ITGA6: variants seen among roughly 807,000 people sequenced by gnomAD.
ITGA6 encodes the protein integrin subunit alpha 6, also known as integrin alpha-6.
In ITGA6, 63 loss-of-function variants were observed where a neutral mutation model predicts 133.6. That is an observed-to-expected ratio of 0.47 (90% CI 0.38 to 0.58). The LOEUF is 0.58. ITGA6 is among the 20% of genes least tolerant of loss of function. The pLI, the probability that ITGA6 is intolerant of heterozygous loss-of-function variation, is 0.00. For synonymous variants in ITGA6, 434 were observed against 482.0 expected (o/e 0.90, Z 1.30); for missense variants, 1,068 against 1,309.4 (o/e 0.82, Z 2.85).
chr2:172,444,114 TTAGA>T (rs1272604968), intron 1 of ITGA6, among the ~76,000 whole-genome samples: 1 of 152,138 alleles, frequency 6.6e-6, no homozygotes, highest in African/African-American at 2.4e-5. Flanking sequence ...ATGAGAATAT[TTAGA>T]TAGAACGATT....
intron 8 of ITGA6, 141 bp from the exon 9 acceptor site, chr2:172,476,252 TTA>T: frequency 1.5e-6 from 1 of 673,780 alleles, no homozygotes; most frequent in Non-Finnish European, 2.7e-6. Context: ...ATATAGAAAT[TTA>T]TGACTTGTAT....
chr2:172,485,566 T>C (rs1417051681), intron 13 of ITGA6, among the ~76,000 whole-genome samples: 1 of 152,186 alleles, frequency 6.6e-6, no homozygotes, highest in African/African-American at 2.4e-5. Flanking sequence ...TAGCTGTACA[T>C]AGAAAGAAAA....
At chr2:172,437,344 A>G (rs1187028388) in intron 1 of ITGA6, among the ~76,000 whole-genome samples, 1 of 152,244 alleles carries the variant, frequency 6.6e-6, no homozygotes, top group Non-Finnish European at 1.5e-5. Context: ...ATTTGGACCA[A>G]TGTGGCAGCA....
At chr2:172,495,076 C>T (rs1687075156) in intron 23 of ITGA6, among the ~76,000 whole-genome samples, 1 of 152,138 alleles carries the variant, frequency 6.6e-6, no homozygotes, top group Non-Finnish European at 1.5e-5. Flanking sequence ...ATACGAAAAT[C>T]CCTTCATTGG....
intron 1 of ITGA6, among the ~76,000 whole-genome samples, chr2:172,438,499 T>C (rs868570989): frequency 2.0e-5 from 3 of 152,022 alleles, no homozygotes; most frequent in South Asian, 2.1e-4. Flanking sequence ...AGAACTTCAC[T>C]GAGGCAGATG....
At chr2:172,488,336 G>A in intron 19 of ITGA6, 108 bp downstream of exon 19, 1 of 792,022 alleles carries the variant, frequency 1.3e-6, no homozygotes, top group Non-Finnish European at 2.2e-6. Flanking sequence ...AGCATTGTAA[G>A]TAAATCATGA....
At chr2:172,493,332 A>G (rs986223111) in intron 23 of ITGA6, among the ~76,000 whole-genome samples, 3 of 151,892 alleles carry the variant, frequency 2.0e-5, no homozygotes, top group Admixed American at 2.0e-4. Context: ...TTTCAAATAA[A>G]CCACACCTTC....
intron 1 of ITGA6, among the ~76,000 whole-genome samples, chr2:172,462,235 G>A (rs28588663): frequency 0.019 from 2,879 of 152,276 alleles, 78 homozygotes; most frequent in African/African-American, 0.066. Flanking sequence ...CTGCTGCTGG[G>A]TGTCAGCTCT....
intron 1 of ITGA6, among the ~76,000 whole-genome samples, chr2:172,455,651 A>G (rs1003910143): frequency 1.3e-5 from 2 of 152,218 alleles, no homozygotes; most frequent in Non-Finnish European, 2.9e-5. Context: ...GTTATTCTGA[A>G]GTGATTCTTT....
rs762609829 is a variant in ITGA6, at chr2:172,505,298, C to CT, written c.*1230_*1231insT. 2 of 152,172 alleles carry CT rather than the reference C, an allele frequency of 1.3e-5. No individual in the cohort carries two copies. Among genetic ancestry groups the CT allele is most frequent in the Non-Finnish European group, 2.9e-5 (2 of 68,034 alleles). 9.4% of individuals were successfully genotyped at this position (152,172 alleles called of 1,614,324 possible). A position where few individuals can be genotyped will look rare whatever the true frequency, so the allele number is the denominator to read the frequency against. On this transcript the variant is annotated 3_prime_UTR_variant, in exon 26 of 26. Transcript: ENST00000684293. ...TCACTGAACTCTAGTGCGGTTTACT[C>CT]ACTGCTGCAAATACTGTATATTCAG...
At chr2:172,441,178 C>A (rs923957337) in intron 1 of ITGA6, among the ~76,000 whole-genome samples, 3 of 152,044 alleles carry the variant, frequency 2.0e-5, no homozygotes, top group African/African-American at 7.2e-5. Flanking sequence ...TCTCTTTTTT[C>A]TTACTGATGT....
At chr2:172,441,558 TTAAAAAAA>T (rs1422945503) in intron 1 of ITGA6, among the ~76,000 whole-genome samples, 5,352 of 64,624 alleles carry the variant, frequency 0.083, 340 homozygotes, top group South Asian at 0.16. Flanking sequence ...CGCTGTCTCT[TTAAAAAAA>T]AAAAAAAAAA....
intron 13 of ITGA6, 107 bp from the exon 14 acceptor site, chr2:172,486,916 A>T: frequency 1.4e-6 from 1 of 722,222 alleles, no homozygotes; most frequent in Non-Finnish European, 2.6e-6. Flanking sequence ...CTGCATTGGT[A>T]ATTGTCACAC....
intron 1 of ITGA6, among the ~76,000 whole-genome samples, chr2:172,458,677 AC>A (rs1247764999): frequency 6.6e-6 from 1 of 152,166 alleles, no homozygotes; most frequent in Non-Finnish European, 1.5e-5. Context: ...TTTTTATACA[AC>A]ATCAGAACAA....
intron 11 of ITGA6, among the ~76,000 whole-genome samples, chr2:172,480,342 T>C (rs1686380824): frequency 6.6e-6 from 1 of 152,012 alleles, no homozygotes; most frequent in Non-Finnish European, 1.5e-5. Context: ...ATTTCTGTCT[T>C]TGAAAAGCAG....
At chr2:172,455,472 A>G (rs1469760064) in intron 1 of ITGA6, among the ~76,000 whole-genome samples, 3 of 152,204 alleles carry the variant, frequency 2.0e-5, no homozygotes, top group Admixed American at 2.0e-4. Flanking sequence ...GCCCTGCCCC[A>G]TGGAGAAGGG....
At chr2:172,500,778 C>T (rs532894207) in intron 24 of ITGA6, among the ~76,000 whole-genome samples, 20 of 152,356 alleles carry the variant, frequency 1.3e-4, no homozygotes, top group Admixed American at 3.9e-4. Context: ...GGAGCTGCAG[C>T]ATCCAGTATG....
intron 2 of ITGA6, among the ~76,000 whole-genome samples, chr2:172,466,616 T>C (rs1685684990): frequency 6.6e-6 from 1 of 152,120 alleles, no homozygotes; most frequent in Non-Finnish European, 1.5e-5. Flanking sequence ...CAAGATACCA[T>C]CTCAAGAAAA....
chr2:172,489,890 C>A, intron 20 of ITGA6: 1 of 479,730 alleles, frequency 2.1e-6, no homozygotes. Context: ...CTTGCTGAGG[C>A]AAATGGTATT....
Sources: gnomAD v4.1 joint callset for allele counts (sites outside exome capture counted in the v4.1 genomes callset) on GRCh38, gnomAD v4.1.1 for gene constraint, MANE v1.5 for transcripts, NCBI Gene and HGNC (gene_info 2026-07-23, HGNC 2026-07-21) for gene names.